KALRN: variants seen among roughly 807,000 people sequenced by gnomAD.
The protein encoded by KALRN is kalirin RhoGEF kinase.
In KALRN, 70 loss-of-function variants were observed where a neutral mutation model predicts 353.7. That is an observed-to-expected ratio of 0.20 (90% CI 0.16 to 0.24). KALRN has a LOEUF of 0.24. Ranked by LOEUF, KALRN falls within the 10% of genes least tolerant of loss-of-function variation. KALRN has a pLI of 1.00. For missense variants in KALRN, 2,791 were observed against 3,756.7 expected (o/e 0.74, Z 6.72); for synonymous variants, 1,391 against 1,434.8 (o/e 0.97, Z 0.69).
At chr3:124,649,583 G>A (rs1408723252) in intron 37 of KALRN, among the ~76,000 whole-genome samples, 1 of 151,390 alleles carries the variant, frequency 6.6e-6, no homozygotes, top group African/African-American at 2.4e-5. Flanking sequence ...AGACCAGCCT[G>A]GGCAATGTAA....
intron 47 of KALRN, among the ~76,000 whole-genome samples, chr3:124,670,973 C>T (rs969888458): frequency 2.0e-4 from 31 of 152,136 alleles, no homozygotes; most frequent in African/African-American, 7.2e-4. Context: ...GACCTCACCA[C>T]GCCCACATCC....
intron 1 of KALRN, chr3:124,152,068 T>A: frequency 1.5e-6 from 2 of 1,326,386 alleles, no homozygotes; most frequent in South Asian, 2.3e-5. Context: ...GAGAAGATAA[T>A]TTAAAGGGCC....
intron 1 of KALRN, among the ~76,000 whole-genome samples, chr3:124,137,902 T>C (rs2332810): frequency 0.38 from 57,010 of 151,918 alleles, 11,065 homozygotes; most frequent in East Asian, 0.47. Context: ...CTGAACAGCA[T>C]TGGGATATGG....
At position 124,632,461 on chromosome 3, in the gene KALRN, G is replaced by A. The variant is rs145880669; in HGVS notation, c.5224G>A (p.Glu1742Lys). 1.2e-5 allele frequency: 19 copies of A among 1,613,948 alleles called. No individual in the cohort carries two copies. Among genetic ancestry groups the A allele is most frequent in the Admixed American group, 5.0e-5 (3 of 60,010 alleles). The change falls in exon 35 of 60, where the codon GAG (glutamate) becomes AAG (lysine). Residue 1742 changes from glutamate to lysine, a missense_variant. Transcript: ENST00000682506. ...CTCAAGCGAGAATGGAGGCAAGTCC[G>A]AGTCCGTGGCCAACCTGCAGGCCCA... ...HSSSENGGKSESVANLQAQPS... is the reference protein window; with the variant it reads ...HSSSENGGKSKSVANLQAQPS...
intron 1 of KALRN, among the ~76,000 whole-genome samples, chr3:124,098,678 G>A (rs572861846): frequency 3.3e-5 from 5 of 152,204 alleles, no homozygotes; most frequent in Admixed American, 1.3e-4. Context: ...CTGGACTTGC[G>A]CCTACCTGTC....
At chr3:124,139,580 G>A (rs1021788686) in intron 1 of KALRN, among the ~76,000 whole-genome samples, 1 of 152,170 alleles carries the variant, frequency 6.6e-6, no homozygotes, top group African/African-American at 2.4e-5. Context: ...GTACAGAGAG[G>A]AGAGAGGCAG....
intron 1 of KALRN, among the ~76,000 whole-genome samples, chr3:124,187,067 A>G (rs999785009): frequency 6.6e-6 from 1 of 152,016 alleles, no homozygotes; most frequent in African/African-American, 2.4e-5. Context: ...ATGTAGATTG[A>G]ACTATCTTTG....
chr3:124,438,686 A>T (rs956178331), intron 17 of KALRN, among the ~76,000 whole-genome samples: 3 of 152,098 alleles, frequency 2.0e-5, no homozygotes, highest in African/African-American at 7.3e-5. Context: ...AGATGATTCC[A>T]AAATCTGTAT....
chr3:124,524,108 C>G (rs773530697), intron 33 of KALRN, among the ~76,000 whole-genome samples: 1 of 152,218 alleles, frequency 6.6e-6, no homozygotes, highest in Non-Finnish European at 1.5e-5. Flanking sequence ...TATAGAACCA[C>G]TCCCTAAATC....
At chr3:124,483,562 G>C (rs1315778749) in intron 28 of KALRN, among the ~76,000 whole-genome samples, 3 of 148,308 alleles carry the variant, frequency 2.0e-5, no homozygotes, top group African/African-American at 7.3e-5. Context: ...AAAAAAATAA[G>C]AATAATAATT....
rs1046255209 is a variant in KALRN, at chr3:124,699,965, G to A, written c.7928G>A (p.Ser2643Asn). 1 of 1,614,156 alleles carries A rather than the reference G, an allele frequency of 6.2e-7. No homozygotes were observed. Residue 2643 changes from serine (S) to asparagine (N), a missense_variant, in exon 56 of 60, where the codon AGT becomes AAT. Physicochemically the swap from Ser to Asn is conservative, Grantham distance 46 (BLOSUM62 1). Transcript: ENST00000682506. ...SPGCPYQFRV[S>N]ASNPWGISLP... ...GGGTGTCCTTATCAGTTCAGAGTCAGTGCCAGTAACCCCTGGGGAATCAGC... is the reference window on the plus strand; with the variant it reads ...GGGTGTCCTTATCAGTTCAGAGTCAATGCCAGTAACCCCTGGGGAATCAGC...
At chr3:124,497,391 A>G (rs2063976510) in intron 33 of KALRN, among the ~76,000 whole-genome samples, 1 of 152,096 alleles carries the variant, frequency 6.6e-6, no homozygotes, top group African/African-American at 2.4e-5. Flanking sequence ...TAGTTTTCTA[A>G]GTTATAGGTA....
At chr3:124,265,053 G>A (rs1490403803) in intron 4 of KALRN, among the ~76,000 whole-genome samples, 1 of 151,830 alleles carries the variant, frequency 6.6e-6, no homozygotes, top group East Asian at 1.9e-4. Context: ...CATATTTTTG[G>A]GTACATGTGA....
At chr3:124,271,593 GT>G (rs1223768178) in intron 5 of KALRN, among the ~76,000 whole-genome samples, 1 of 152,204 alleles carries the variant, frequency 6.6e-6, no homozygotes, top group East Asian at 1.9e-4. Flanking sequence ...AGGTCATACT[GT>G]TGGTTAGCCA....
chr3:124,094,952 TA>T, intron 1 of KALRN: 3 of 1,533,906 alleles, frequency 2.0e-6, no homozygotes, highest in Non-Finnish European at 2.7e-6. Context: ...GAGAGATAAA[TA>T]CACATAGAGA....
chr3:124,045,307 G>A (rs951532872), intron 1 of KALRN, among the ~76,000 whole-genome samples: 5 of 152,150 alleles, frequency 3.3e-5, no homozygotes, highest in South Asian at 2.1e-4. Context: ...GTAGGACTCC[G>A]TGTCAGGGTG....
At chr3:124,263,908 A>G (rs2073197662) in intron 3 of KALRN, among the ~76,000 whole-genome samples, 1 of 152,216 alleles carries the variant, frequency 6.6e-6, no homozygotes. Context: ...GATTCATTTT[A>G]GGAACAAGAA....
chr3:124,382,418 A>G (rs1414218315), intron 10 of KALRN, among the ~76,000 whole-genome samples: 5 of 152,090 alleles, frequency 3.3e-5, no homozygotes, highest in Admixed American at 6.6e-5. Flanking sequence ...AATACATTAT[A>G]TATTTATCTG....
chr3:124,374,062 C>A (rs1376133322), intron 10 of KALRN, among the ~76,000 whole-genome samples: 4 of 152,122 alleles, frequency 2.6e-5, no homozygotes, highest in Non-Finnish European at 1.5e-5. Flanking sequence ...AACCTAATTC[C>A]CAATGTGGTT....
Sources: gnomAD v4.1 joint callset for allele counts (sites outside exome capture counted in the v4.1 genomes callset) on GRCh38, gnomAD v4.1.1 for gene constraint, MANE v1.5 for transcripts, NCBI Gene and HGNC (gene_info 2026-07-23, HGNC 2026-07-21) for gene names.